Variants in ADAM22 observed in about 807,000 individuals in gnomAD.
The protein encoded by ADAM22 is disintegrin and metalloproteinase domain-containing protein 22.
A neutral mutation model predicts 144.6 loss-of-function variants in ADAM22; 65 were observed. The ratio of observed to expected loss-of-function variants is 0.45; its 90% confidence interval spans 0.37 to 0.55. ADAM22 has a LOEUF of 0.55. Ranked by LOEUF, ADAM22 falls within the 20% of genes least tolerant of loss-of-function variation. ADAM22 has a pLI of 0.00. For missense variants in ADAM22, 974 were observed against 1,184.9 expected (o/e 0.82, Z 2.61); for synonymous variants, 391 against 412.6 (o/e 0.95, Z 0.63).
intron 4 of ADAM22, among the ~76,000 whole-genome samples, chr7:88,103,927 C>G (rs1329908134): frequency 1.3e-5 from 2 of 152,060 alleles, no homozygotes. Flanking sequence ...TATTCTAAAA[C>G]ATGTAAGTGC....
At chr7:88,085,906 G>A (rs1460458367) in intron 4 of ADAM22, among the ~76,000 whole-genome samples, 2 of 152,196 alleles carry the variant, frequency 1.3e-5, no homozygotes, top group Non-Finnish European at 2.9e-5. Context: ...CCTGGGCACA[G>A]TGGCTCACGC....
chr7:88,153,154 T>A (rs1417346461), intron 20 of ADAM22, 67 bp from the exon 21 acceptor site: 1 of 1,122,940 alleles, frequency 8.9e-7, no homozygotes, highest in East Asian at 2.4e-5. Flanking sequence ...AATTTTTCTT[T>A]TCTGCAAAGC....
intron 4 of ADAM22, among the ~76,000 whole-genome samples, chr7:88,105,692 G>T (rs1206631022): frequency 1.3e-5 from 2 of 152,172 alleles, no homozygotes; most frequent in East Asian, 1.9e-4. Flanking sequence ...TAGGACACAG[G>T]CCTTGTATCC....
chr7:88,016,140 A>C (rs1371745292), intron 3 of ADAM22, among the ~76,000 whole-genome samples: 1 of 152,138 alleles, frequency 6.6e-6, no homozygotes, highest in Non-Finnish European at 1.5e-5. Flanking sequence ...CTAGTGTATG[A>C]GTTCTAGGCA....
At chr7:88,066,242 G>C (rs1811211133) in intron 3 of ADAM22, among the ~76,000 whole-genome samples, 1 of 152,144 alleles carries the variant, frequency 6.6e-6, no homozygotes, top group South Asian at 2.1e-4. Context: ...GCTCAGACCA[G>C]GGTGGTGGCA....
chr7:88,023,991 G>C (rs930931321), intron 3 of ADAM22, among the ~76,000 whole-genome samples: 2 of 152,020 alleles, frequency 1.3e-5, no homozygotes, highest in Admixed American at 6.6e-5. Flanking sequence ...ATGATCTCCA[G>C]TTTCATCCAC....
At chr7:87,980,091 A>G (rs1375739804) in intron 3 of ADAM22, among the ~76,000 whole-genome samples, 1 of 152,184 alleles carries the variant, frequency 6.6e-6, no homozygotes, top group African/African-American at 2.4e-5. Context: ...AAGGAGACAC[A>G]CATATGGTCA....
intron 2 of ADAM22, among the ~76,000 whole-genome samples, chr7:87,964,336 A>G (rs1848601139): frequency 6.6e-6 from 1 of 152,196 alleles, no homozygotes; most frequent in African/African-American, 2.4e-5. Flanking sequence ...TCTCCTAATA[A>G]TGGTATCTCT....
chr7:88,093,444 A>G (rs546049338), intron 4 of ADAM22, among the ~76,000 whole-genome samples: 1 of 152,286 alleles, frequency 6.6e-6, no homozygotes, highest in South Asian at 2.1e-4. Context: ...ATTGGTATTG[A>G]GTGGTTTGAG....
At chr7:88,052,359 A>G (rs1194800234) in intron 3 of ADAM22, among the ~76,000 whole-genome samples, 1 of 137,018 alleles carries the variant, frequency 7.3e-6, no homozygotes, top group Non-Finnish European at 1.6e-5. Flanking sequence ...AAAAAAAAAA[A>G]TTAGCCTGGC....
intron 2 of ADAM22, among the ~76,000 whole-genome samples, chr7:87,940,101 G>A (rs1412022931): frequency 6.7e-6 from 1 of 148,498 alleles, no homozygotes; most frequent in Non-Finnish European, 1.5e-5. Flanking sequence ...AGAATCACTT[G>A]AACCTGGGAG....
chr7:88,130,550 G>A (rs1241240139), intron 10 of ADAM22, 91 bp downstream of exon 10: 5 of 1,289,102 alleles, frequency 3.9e-6, no homozygotes, highest in Non-Finnish European at 5.5e-6. Flanking sequence ...TAGTTTTACT[G>A]CTCTATGTTG....
chr7:88,039,464 A>AAATATATATATATATATATATATAT, intron 3 of ADAM22, among the ~76,000 whole-genome samples: 2 of 76,376 alleles, frequency 2.6e-5, no homozygotes, highest in African/African-American at 4.7e-5. Flanking sequence ...AAAAAAAAAA[A>AAATATATATATATATATATATATAT]ATATATATAT....
chr7:87,993,220 C>A (rs1308759941), intron 3 of ADAM22, among the ~76,000 whole-genome samples: 1 of 152,168 alleles, frequency 6.6e-6, no homozygotes, highest in Non-Finnish European at 1.5e-5. Context: ...GAAAAGAGAA[C>A]CCTCTAACTA....
chr7:87,975,255 G>A (rs560033292), intron 2 of ADAM22, among the ~76,000 whole-genome samples: 1 of 152,184 alleles, frequency 6.6e-6, no homozygotes, highest in East Asian at 1.9e-4. Context: ...TTAAGTCTGA[G>A]AATACTATGT....
intron 17 of ADAM22, among the ~76,000 whole-genome samples, 170 bp from the exon 18 acceptor site, chr7:88,148,807 A>C (rs1837373642): frequency 6.6e-6 from 1 of 152,206 alleles, no homozygotes; most frequent in African/African-American, 2.4e-5. Context: ...CTGTTTCTTA[A>C]AACTATTAAA....
At chr7:88,192,059 C>T (rs575225320) in intron 30 of ADAM22, among the ~76,000 whole-genome samples, 11 of 152,246 alleles carry the variant, frequency 7.2e-5, no homozygotes, top group African/African-American at 2.6e-4. Context: ...GCAGTGTAGG[C>T]AGTAGATCTT....
intron 3 of ADAM22, among the ~76,000 whole-genome samples, chr7:88,040,682 A>G (rs1802913535): frequency 6.6e-6 from 1 of 151,962 alleles, no homozygotes; most frequent in African/African-American, 2.4e-5. Flanking sequence ...ATTATCTCAC[A>G]CTTTATGTGG....
At chr7:88,156,675 G>T (rs1840034725) in intron 22 of ADAM22, among the ~76,000 whole-genome samples, 1 of 152,064 alleles carries the variant, frequency 6.6e-6, no homozygotes, top group Non-Finnish European at 1.5e-5. Context: ...TAGATACTCA[G>T]ATTACTTCCC....
Sources: allele counts gnomAD v4.1 joint callset (sites outside exome capture counted in the v4.1 genomes callset), GRCh38; gene constraint gnomAD v4.1.1; transcripts MANE v1.5; gene names NCBI Gene and HGNC (gene_info 2026-07-23, HGNC 2026-07-21).